Variants in WWOX observed in about 807,000 individuals in gnomAD.
WWOX encodes WW domain containing oxidoreductase.
A neutral mutation model predicts 46.2 loss-of-function variants in WWOX; 69 were observed. The observed-to-expected ratio is 1.49, with a 90% CI of 1.23 to 1.82. The LOEUF (loss-of-function observed/expected upper bound fraction) is 1.82. Among genes scored for constraint, WWOX ranks in the 40% most tolerant of loss-of-function variants. WWOX has a pLI of 0.00. For missense variants in WWOX, 919 were observed against 542.6 expected (o/e 1.69, Z -6.89); for synonymous variants, 359 against 202.6 (o/e 1.77, Z -6.56).
intron 8 of WWOX, among the ~76,000 whole-genome samples, chr16:78,999,917 C>T (rs569052045): frequency 2.4e-4 from 36 of 152,190 alleles, no homozygotes; most frequent in East Asian, 5.8e-4. Context: ...GAAAATTCTA[C>T]GTCATGAGAA....
chr16:78,536,424 T>G (rs1190863415), intron 8 of WWOX, among the ~76,000 whole-genome samples: 1 of 151,862 alleles, frequency 6.6e-6, no homozygotes, highest in Admixed American at 6.6e-5. Context: ...TGTGAGGGAC[T>G]GGCCGACAAG....
At chr16:79,169,836 G>A (rs542349365) in intron 8 of WWOX, among the ~76,000 whole-genome samples, 237 of 152,270 alleles carry the variant, frequency 1.6e-3, no homozygotes, top group South Asian at 2.7e-3. Context: ...GGAAAAGTCT[G>A]GTTTGAGATT....
At chr16:78,733,418 G>A (rs1224211831) in intron 8 of WWOX, among the ~76,000 whole-genome samples, 2 of 152,022 alleles carry the variant, frequency 1.3e-5, no homozygotes, top group African/African-American at 4.8e-5. Context: ...TCATACCACT[G>A]CACTCCAGCC....
At chr16:78,696,270 G>C (rs750016835) in intron 8 of WWOX, among the ~76,000 whole-genome samples, 4 of 152,074 alleles carry the variant, frequency 2.6e-5, no homozygotes, top group East Asian at 1.9e-4. Flanking sequence ...GCCACATCAC[G>C]GGATTTTCTA....
chr16:78,908,981 G>A (rs146253783), intron 8 of WWOX, among the ~76,000 whole-genome samples: 40 of 152,318 alleles, frequency 2.6e-4, no homozygotes, highest in Middle Eastern at 6.8e-3. Context: ...TCCTGCAAAG[G>A]CAGTCTAGTC....
At chr16:78,658,052 G>C (rs534337228) in intron 8 of WWOX, among the ~76,000 whole-genome samples, 156 of 152,012 alleles carry the variant, frequency 1.0e-3, no homozygotes, top group African/African-American at 3.7e-3. Flanking sequence ...TTCTTTGTTG[G>C]GGGGGATTTC....
At chr16:78,467,588 G>C (rs900442474) in intron 8 of WWOX, among the ~76,000 whole-genome samples, 1 of 152,060 alleles carries the variant, frequency 6.6e-6, no homozygotes, top group Non-Finnish European at 1.5e-5. Context: ...TTGAAAACTC[G>C]GGGATAATGT....
intron 8 of WWOX, among the ~76,000 whole-genome samples, chr16:78,784,152 C>T (rs2050398830): frequency 6.6e-6 from 1 of 152,120 alleles, no homozygotes; most frequent in Non-Finnish European, 1.5e-5. Flanking sequence ...CCCTATAAGT[C>T]AGTGCCATTG....
At chr16:78,355,495 G>A (rs543747643) in intron 5 of WWOX, 5 of 349,458 alleles carry the variant, frequency 1.4e-5, no homozygotes, top group East Asian at 7.5e-5. Context: ...CCAGCTACTC[G>A]GGAGGCTGAG....
At chr16:78,539,308 G>A (rs1266360887) in intron 8 of WWOX, among the ~76,000 whole-genome samples, 1 of 152,210 alleles carries the variant, frequency 6.6e-6, no homozygotes, top group Non-Finnish European at 1.5e-5. Context: ...GGAGTCTTGT[G>A]AGGATTAATT....
chr16:79,027,333 T>C lies in WWOX; in HGVS notation c.1057-184275T>C, dbSNP rs147315901. Reference sequence around the variant, plus strand: ...GAGTGGTGACATTTGGTAGATAATATAGCTCTGCAGAACTTTTCATTGCAA... The same window carrying C: ...GAGTGGTGACATTTGGTAGATAATACAGCTCTGCAGAACTTTTCATTGCAA... On this transcript the variant is annotated intron_variant, in intron 8 of 8. Coordinates refer to ENST00000566780, the MANE Select transcript of WWOX (RefSeq NM_016373.4). Among the ~76,000 whole-genome samples the C allele has an allele frequency of 9.7e-4, 146 of 150,210 alleles. 2 individuals are homozygous for C. Among genetic ancestry groups the C allele is most frequent in the African/African-American group, 3.0e-3 (123 of 40,510 alleles).
At chr16:78,317,108 G>A (rs1280586155) in intron 5 of WWOX, among the ~76,000 whole-genome samples, 3 of 152,194 alleles carry the variant, frequency 2.0e-5, no homozygotes, top group African/African-American at 7.2e-5. Flanking sequence ...GAGGGACTTG[G>A]AGAAGGACCA....
intron 8 of WWOX, among the ~76,000 whole-genome samples, chr16:79,166,587 G>A (rs1290145396): frequency 6.6e-6 from 1 of 152,142 alleles, no homozygotes; most frequent in Non-Finnish European, 1.5e-5. Flanking sequence ...GACTATGTCA[G>A]GTAGACTTAT....
chr16:78,178,953 G>A (rs930547246), intron 5 of WWOX, among the ~76,000 whole-genome samples: 8 of 152,164 alleles, frequency 5.3e-5, no homozygotes, highest in African/African-American at 1.4e-4. Context: ...ATAACCGAGA[G>A]CTGGTCAAAT....
chr16:78,486,941 A>G (rs546580561), intron 8 of WWOX, among the ~76,000 whole-genome samples: 18 of 152,320 alleles, frequency 1.2e-4, no homozygotes, highest in African/African-American at 3.8e-4. Flanking sequence ...ATGCAGGCTC[A>G]TTCCTAACAG....
Position 78,883,508 on chromosome 16 carries a change from G to C in WWOX, c.1057-328100G>C, listed in dbSNP as rs145226878. Reference sequence around the variant, plus strand: ...GGAGGCTGAGGCAAGCTGATCACTTGAGGTCAGGAGTTCGAGACCAGCCTG... The same window carrying C: ...GGAGGCTGAGGCAAGCTGATCACTTCAGGTCAGGAGTTCGAGACCAGCCTG... On this transcript the variant is annotated intron_variant, in intron 8 of 8. Coordinates refer to ENST00000566780, the MANE Select transcript of WWOX (RefSeq NM_016373.4). Among the ~76,000 whole-genome samples the C allele has an allele frequency of 7.8e-4, 119 of 152,254 alleles. No homozygotes were observed. In the East Asian group the frequency reaches 0.02, roughly 26 times the overall value.
At chr16:78,747,343 G>T (rs748477939) in intron 8 of WWOX, among the ~76,000 whole-genome samples, 3 of 151,802 alleles carry the variant, frequency 2.0e-5, no homozygotes, top group Non-Finnish European at 2.9e-5. Context: ...AGGCATCTGC[G>T]ACCACACCTG....
At chr16:78,318,191 G>A (rs530449440) in intron 5 of WWOX, among the ~76,000 whole-genome samples, 2 of 151,972 alleles carry the variant, frequency 1.3e-5, no homozygotes, top group East Asian at 3.9e-4. Flanking sequence ...TACTTCCCGG[G>A]GGCAGAGGAC....
At chr16:78,879,560 A>T (rs769383504) in intron 8 of WWOX, among the ~76,000 whole-genome samples, 28 of 152,242 alleles carry the variant, frequency 1.8e-4, no homozygotes, top group Non-Finnish European at 3.4e-4. Context: ...ATTTCCATCC[A>T]AGAGGCAACA....
Sources: allele counts gnomAD v4.1 joint callset (sites outside exome capture counted in the v4.1 genomes callset), GRCh38; gene constraint gnomAD v4.1.1; transcripts MANE v1.5; gene names NCBI Gene and HGNC (gene_info 2026-07-23, HGNC 2026-07-21).